CPXM1: variants seen among roughly 807,000 people sequenced by gnomAD.
CPXM1 encodes the protein probable carboxypeptidase X1.
A neutral mutation model predicts 80.4 loss-of-function variants in CPXM1; 72 were observed. The ratio of observed to expected loss-of-function variants is 0.90; its 90% CI spans 0.74 to 1.09. The LOEUF (loss-of-function observed/expected upper bound fraction) is 1.09. Among genes scored for constraint, CPXM1 ranks in the 50% least tolerant of loss-of-function variants. CPXM1 has a pLI of 0.00. For missense variants in CPXM1, 892 were observed against 999.4 expected (o/e 0.89, Z 1.45); for synonymous variants, 403 against 405.6 (o/e 0.99, Z 0.08).
chr20:2,795,519 C>G lies in CPXM1; in HGVS notation c.1720+80G>C, dbSNP rs892951831. The G allele has an allele frequency of 1.3e-6, 2 of 1,586,590 alleles. No individual in the cohort carries two copies. The highest frequency in any genetic ancestry group is 2.7e-5 in the African/African-American group (2 of 74,536). ...GACACTTCAGAGTGGGAACAGACGC[C>G]AGCACTGTACGCAACCGCAGGCTGT... On this transcript the variant is annotated intron_variant, in intron 11 of 13. Transcript: ENST00000380605. The surrounding 1 kb of genome is among the most constrained non-coding windows in gnomAD (Gnocchi z 5.4).
Position 2,796,110 on chromosome 20 carries a change from C to G in CPXM1, c.1294G>C (p.Asp432His). 1 of 1,613,760 alleles carries G rather than the reference C, an allele frequency of 6.2e-7. No homozygotes were observed. Among genetic ancestry groups the G allele is most frequent in the Non-Finnish European group, 8.5e-7 (1 of 1,179,812 alleles). ...AEGRWNNQSI[D>H]LNHNFADLNT... ...AGGTCAGCAAAATTATGGTTAAGATCGATGCTCTGGTTGTTCCAGCGGCCC... is the reference window on the plus strand; with the variant it reads ...AGGTCAGCAAAATTATGGTTAAGATGGATGCTCTGGTTGTTCCAGCGGCCC... The change falls in exon 10 of 14, where the codon GAT becomes CAT. Residue 432 changes from aspartate to histidine, a missense_variant. Transcript: ENST00000380605. The surrounding 1 kb of genome is among the most constrained non-coding windows in gnomAD (Gnocchi z 6.8).
At position 2,800,385 on chromosome 20, in the gene CPXM1, C is replaced by A; in HGVS notation, c.172+16G>T. The stretch of plus-strand genomic sequence containing the variant: ...GTCGGCTTGCGGGGGAGCGGACCGT[C>A]GGTCGGGGAACTCACCGTTAGCTGT... On this transcript the variant is annotated intron_variant, in intron 1 of 13. Transcript: ENST00000380605. The A allele has an allele frequency of 6.6e-7, 1 of 1,505,262 alleles. No individual in the cohort carries two copies. The allele number at this position is 1,505,262 out of a possible 1,614,324, so 93.2% of individuals were successfully genotyped here. A position where few individuals can be genotyped will look rare whatever the true frequency, so the allele number is the denominator to read the frequency against.
At position 2,798,411 on chromosome 20, in the gene CPXM1, G is replaced by A. The variant is rs2073129; in HGVS notation, c.450+17C>T. The A allele has an allele frequency of 0.03, 48,645 of 1,608,212 alleles. 1,845 individuals carry two copies. Among genetic ancestry groups the A allele is most frequent in the East Asian group, 0.19 (8,406 of 44,736 alleles). On this transcript the variant is annotated intron_variant, in intron 3 of 13. Coordinates refer to ENST00000380605, the MANE Select transcript of CPXM1 (RefSeq NM_019609.5). ...TTCCCTACCCTGAGACCATGGCTCC[G>A]AGCCAGGATTACTGACCTGAATGTT...
Position 2,800,384 on chromosome 20 carries a change from TCGGTCGGGGAACTCACCGTTAGCTGTCTC to T in CPXM1, c.160_172+16del, listed in dbSNP as rs1287074116. On this transcript the variant is annotated splice_donor_variant and splice_donor_5th_base_variant and coding_sequence_variant and intron_variant, in exon 1 of 14. Coordinates refer to ENST00000380605, the MANE Select transcript of CPXM1 (RefSeq NM_019609.5). LOFTEE classifies it high-confidence loss of function. The stretch of plus-strand genomic sequence containing the variant: ...AGTCGGCTTGCGGGGGAGCGGACCG[TCGGTCGGGGAACTCACCGTTAGCTGTCTC>T]CGCCGGCGGCTGTGCCGGGCTGCTA... 6.6e-6 allele frequency: 10 copies of T among 1,505,114 alleles called. No individual in the cohort carries two copies. The allele number at this position is 1,505,114 out of a possible 1,614,324, so 93.2% of individuals were successfully genotyped here. A position where few individuals can be genotyped will look rare whatever the true frequency, so the allele number is the denominator to read the frequency against.
In CPXM1 at chr20:2,795,995, A is replaced by C; in HGVS notation, c.1409T>G (p.Leu470Arg). 6.2e-7 allele frequency: 1 copy of C among 1,609,628 alleles called. No homozygotes were observed. The highest frequency in any genetic ancestry group is 1.1e-5 in the South Asian group (1 of 90,136). ...HHLPLPTYYT[L>R]PNATVAPETR... ...CAAAATACTCACGGTGGCATTGGGC[A>C]GGGTGTAGTAAGTGGGCAATGGCAG... is the stretch of plus-strand genomic sequence containing the variant. The change falls in exon 10 of 14, where the codon CTG becomes CGG. Residue 470 changes from leucine (L) to arginine (R), a missense_variant. Transcript: ENST00000380605. This position sits in a 1 kb window ranked among gnomAD's most constrained non-coding sequence, Gnocchi z 5.4.
In CPXM1 at chr20:2,796,103, T is replaced by C. The variant is rs769007046; in HGVS notation, c.1301A>G (p.Asn434Ser). ...GRWNNQSIDL[N>S]HNFADLNTPL... ...TGTGTTGAGGTCAGCAAAATTATGG[T>C]TAAGATCGATGCTCTGGTTGTTCCA... The change falls in exon 10 of 14, where the codon AAC becomes AGC. Residue 434 changes from asparagine to serine, a missense_variant. By Grantham distance (46) the Asn-to-Ser change is conservative (BLOSUM62 1). Coordinates refer to ENST00000380605, the MANE Select transcript of CPXM1 (RefSeq NM_019609.5). This position sits in a 1 kb window ranked among gnomAD's most constrained non-coding sequence, Gnocchi z 6.8. 6.2e-7 allele frequency: 1 copy of C among 1,613,896 alleles called. No individual in the cohort carries two copies. Among genetic ancestry groups the C allele is most frequent in the Admixed American group, 1.7e-5 (1 of 59,982 alleles).
Position 2,795,466 on chromosome 20 carries a change from T to A in CPXM1, c.1721-50A>T. 1 of 1,599,160 alleles carries A rather than the reference T, an allele frequency of 6.3e-7. No homozygotes were observed. The highest frequency in any genetic ancestry group is 1.1e-5 in the South Asian group (1 of 89,828). ...CCTAAGCAGGCGGGATGCGGTCCCA[T>A]CCTCCCGCTACCCTCCCTTCTCTGA... is the stretch of plus-strand genomic sequence containing the variant. On this transcript the variant is annotated intron_variant, in intron 11 of 13. Coordinates refer to ENST00000380605, the MANE Select transcript of CPXM1 (RefSeq NM_019609.5). The surrounding 1 kb of genome is among the most constrained non-coding windows in gnomAD (Gnocchi z 5.4).
Position 2,796,353 on chromosome 20 carries a change from T to C in CPXM1, c.1136A>G (p.His379Arg). 6.2e-7 allele frequency: 1 copy of C among 1,614,108 alleles called. No individual in the cohort carries two copies. The highest frequency in any genetic ancestry group is 1.7e-5 in the Admixed American group (1 of 60,020). The change falls in exon 9 of 14, where the codon CAT becomes CGT. Residue 379 changes from histidine to arginine, a missense_variant. His to Arg is a conservative substitution (Grantham distance 29). Around this residue, in one of 2 missense-constraint regions of CPXM1, gnomAD observed 874 missense variants for 958.4 expected, o/e 0.91. Transcript: ENST00000380605. The surrounding 1 kb of genome is among the most constrained non-coding windows in gnomAD (Gnocchi z 6.8). ...CCGTGGGTTCCCTCGCAGGAACTCA[T>C]GGCACAGGAACTGCATCAGGAGCAG... ...LLLLLMQFLC[H>R]EFLRGNPRVT...
In CPXM1 at chr20:2,800,474, C is replaced by T. The variant is rs2088559712; in HGVS notation, c.99G>A (p.Gly33=). 1 of 1,452,056 alleles carries T rather than the reference C, an allele frequency of 6.9e-7. No homozygotes were observed. Among genetic ancestry groups the T allele is most frequent in the Non-Finnish European group, 9.0e-7 (1 of 1,110,158 alleles). The allele number at this position is 1,452,056 out of a possible 1,614,324, so 89.9% of individuals were successfully genotyped here. A position where few individuals can be genotyped will look rare whatever the true frequency, so the allele number is the denominator to read the frequency against. ...GGGTCGAGCCTGGGACCTTGGTGGT[C>T]CCGGGCTGCGCGAGGCCCAGCACCG... ...RNSVLGLAQP[G]TTKVPGSTPA... The change falls in exon 1 of 14, where the codon GGG becomes GGA. Residue 33 remains glycine (G), a synonymous_variant. Transcript: ENST00000380605.
chr20:2,800,371 G>A lies in CPXM1; in HGVS notation c.172+30C>T, dbSNP rs921627455. The A allele has an allele frequency of 7.4e-6, 11 of 1,487,452 alleles. No homozygotes were observed. In the African/African-American group the frequency reaches 1.3e-4, roughly 18 times the overall value. 92.1% of individuals were successfully genotyped at this position (1,487,452 alleles called of 1,614,324 possible). ...AGGAGAGCCGGGCAGTCGGCTTGCG[G>A]GGGAGCGGACCGTCGGTCGGGGAAC... On this transcript the variant is annotated intron_variant, in intron 1 of 13. Transcript: ENST00000380605.
chr20:2,796,513 C>A lies in CPXM1; in HGVS notation c.1045+14G>T. On this transcript the variant is annotated intron_variant, in intron 8 of 13. Transcript: ENST00000380605. This position sits in a 1 kb window ranked among gnomAD's most constrained non-coding sequence, Gnocchi z 6.8. ...TGCCCTGTGCCTACCTCTCCCCACT[C>A]CCCATGCCAGTACCCAGCTCATGCT... 6.2e-7 allele frequency: 1 copy of A among 1,613,980 alleles called. No individual in the cohort carries two copies. The highest frequency in any genetic ancestry group is 1.1e-5 in the South Asian group (1 of 91,050).
intron 1 of CPXM1, 118 bp downstream of exon 1, chr20:2,800,283 T>C (rs2088556493): frequency 2.8e-5 from 26 of 930,418 alleles, no homozygotes; most frequent in Non-Finnish European, 3.9e-5. Context: ...TGAGTGTGCA[T>C]GACTGTGAGT....
chr20:2,797,620 G>A (rs569565479), intron 5 of CPXM1, among the ~76,000 whole-genome samples: 1 of 152,270 alleles, frequency 6.6e-6, no homozygotes, highest in South Asian at 2.1e-4. Flanking sequence ...ACTCCACATT[G>A]TAGCCTGCTG....
In CPXM1 at chr20:2,795,728, A is replaced by G; in HGVS notation, c.1591T>C (p.Trp531Arg). The change falls in exon 11 of 14, where the codon TGG becomes CGG. Residue 531 changes from tryptophan to arginine, a missense_variant. This residue lies in a region of CPXM1 where 874 missense variants were observed against 958.4 expected (regional missense o/e 0.91). Coordinates refer to ENST00000380605, the MANE Select transcript of CPXM1 (RefSeq NM_019609.5). The surrounding 1 kb of genome is among the most constrained non-coding windows in gnomAD (Gnocchi z 5.4). ...CTGCCAGCATAGACAGTGCTGAGCC[A>G]GCGAAACACAGCATCATCTGGTGTG... Reference protein sequence around the residue: ...TPTPDDAVFRWLSTVYAGSNL... With the variant: ...TPTPDDAVFRRLSTVYAGSNL... 1.9e-6 allele frequency: 3 copies of G among 1,613,966 alleles called. No individual in the cohort carries two copies. The Middle Eastern group carries it at 4.9e-4, about 266-fold the overall frequency.
chr20:2,800,161 G>A (rs1352505156), intron 1 of CPXM1, among the ~76,000 whole-genome samples: 1 of 151,250 alleles, frequency 6.6e-6, no homozygotes, highest in Non-Finnish European at 1.5e-5. Flanking sequence ...GTGAGTGTGC[G>A]TGTGTGTGCA....
At chr20:2,797,380 C>T (rs776625521) in intron 5 of CPXM1, 38 bp from the exon 6 acceptor site, 6 of 1,443,470 alleles carry the variant, frequency 4.2e-6, no homozygotes, top group Non-Finnish European at 5.4e-6. Context: ...CTGCTCAAAC[C>T]CCAGAAGCCT....
chr20:2,800,602 G>A lies in CPXM1; in HGVS notation c.-30C>T. Reference sequence around the variant, plus strand: ...GGGATTGAGTGCCAGGGGCGCGCGGGCTACGGCGGGTGGCGGGTCGGTCTC... The same window carrying A: ...GGGATTGAGTGCCAGGGGCGCGCGGACTACGGCGGGTGGCGGGTCGGTCTC... On this transcript the variant is annotated 5_prime_UTR_variant, in exon 1 of 14. Transcript: ENST00000380605. The A allele has an allele frequency of 1.5e-6, 2 of 1,316,242 alleles. No individual in the cohort carries two copies. Among genetic ancestry groups the A allele is most frequent in the Non-Finnish European group, 1.9e-6 (2 of 1,035,894 alleles). 81.5% of individuals were successfully genotyped at this position (1,316,242 alleles called of 1,614,324 possible). A position where few individuals can be genotyped will look rare whatever the true frequency, so the allele number is the denominator to read the frequency against.
In CPXM1 at chr20:2,798,804, T is replaced by C. The variant is rs1289313401; in HGVS notation, c.262A>G (p.Thr88Ala). The change falls in exon 2 of 14, where the codon ACC becomes GCC. Residue 88 changes from threonine to alanine, a missense_variant. Thr to Ala is a moderately conservative substitution (Grantham distance 58). Coordinates refer to ENST00000380605, the MANE Select transcript of CPXM1 (RefSeq NM_019609.5). ...AGGGGCCCGGCAGTCACCAGTGGGG[T>C]GGGGCGAGTTAGAGTTAGCTTCTTC... ...KRKKLTLTRP[T>A]PLVTAGPLVT... 1 of 1,613,768 alleles carries C rather than the reference T, an allele frequency of 6.2e-7. No homozygotes were observed. The highest frequency in any genetic ancestry group is 8.5e-7 in the Non-Finnish European group (1 of 1,179,938).
In CPXM1 at chr20:2,798,872, C is replaced by T. The variant is rs758525497; in HGVS notation, c.194G>A (p.Arg65Gln). ...TANGTSEQHV[R>Q]IRVIKKKKVI... is the part of the protein sequence containing the mutation. ...CTTTTTCTTCTTGATGACTCGAATC[C>T]GGACATGCTGTTCTGAGGTCCCTTG... The change falls in exon 2 of 14, where the codon CGG (arginine) becomes CAG (glutamine). Residue 65 changes from arginine (R) to glutamine (Q), a missense_variant. Coordinates refer to ENST00000380605, the MANE Select transcript of CPXM1 (RefSeq NM_019609.5). 24 of 1,613,914 alleles carry T rather than the reference C, an allele frequency of 1.5e-5. No homozygotes were observed. In the South Asian group the frequency reaches 1.5e-4, roughly 10 times the overall value.
Sources: allele counts gnomAD v4.1 joint callset (sites outside exome capture counted in the v4.1 genomes callset), GRCh38; gene constraint gnomAD v4.1.1; regional missense constraint gnomAD v4.1.1; non-coding constraint Gnocchi (gnomAD v3.1); transcripts MANE v1.5; gene names NCBI Gene and HGNC (gene_info 2026-07-23, HGNC 2026-07-21).